PPARGC1A: variants seen among roughly 807,000 people sequenced by gnomAD.
The protein encoded by PPARGC1A is peroxisome proliferator-activated receptor gamma coactivator 1-alpha.
In PPARGC1A, 25 loss-of-function variants were observed where a neutral mutation model predicts 88.7. The observed-to-expected ratio is 0.28, with a 90% CI of 0.21 to 0.39. The LOEUF is 0.39. Among genes scored for constraint, PPARGC1A ranks in the 10% least tolerant of loss-of-function variants. The pLI, the probability that PPARGC1A is intolerant of heterozygous loss-of-function variation, is 1.00. For missense variants in PPARGC1A, 880 were observed against 968.7 expected (o/e 0.91, Z 1.22); for synonymous variants, 363 against 355.6 (o/e 1.02, Z -0.24).
At chr4:24,236,135 C>G in the PPARGC1A span, among the ~76,000 whole-genome samples, 1 of 152,172 alleles carries the variant, frequency 6.6e-6, no homozygotes, top group Admixed American at 6.5e-5. Context: ...ACTTGTCAGC[C>G]AACAGTTTTG....
chr4:24,028,594 A>G, the PPARGC1A span, among the ~76,000 whole-genome samples: 800 of 152,320 alleles, frequency 5.3e-3, 34 homozygotes, highest in East Asian at 0.084. Context: ...AGAGGTTAAC[A>G]GGGAAGGTTC....
At chr4:23,995,955 GA>G in the PPARGC1A span, among the ~76,000 whole-genome samples, 1 of 152,122 alleles carries the variant, frequency 6.6e-6, no homozygotes, top group Non-Finnish European at 1.5e-5. Context: ...CCTTCCAAAG[GA>G]CACCTGACAG....
chr4:24,115,597 G>T, the PPARGC1A span, among the ~76,000 whole-genome samples: 1 of 152,200 alleles, frequency 6.6e-6, no homozygotes. Context: ...CATTAAAATC[G>T]AATGCAAGAT....
intron 12 of PPARGC1A, among the ~76,000 whole-genome samples, chr4:23,800,130 GA>G (rs1194661033): frequency 6.6e-6 from 1 of 151,744 alleles, no homozygotes; most frequent in African/African-American, 2.4e-5. Context: ...TTGGACAGAA[GA>G]AAAAAAATCC....
the PPARGC1A span, among the ~76,000 whole-genome samples, chr4:24,154,788 C>T: frequency 6.6e-6 from 1 of 152,232 alleles, no homozygotes; most frequent in Non-Finnish European, 1.5e-5. Context: ...AAACACAAAG[C>T]GAGACGCAGA....
the PPARGC1A span, among the ~76,000 whole-genome samples, chr4:24,284,394 C>T: frequency 6.6e-6 from 1 of 152,222 alleles, no homozygotes; most frequent in African/African-American, 2.4e-5. Flanking sequence ...GGGATTTGAA[C>T]TAGGCAGTCT....
At chr4:24,041,535 C>A in the PPARGC1A span, among the ~76,000 whole-genome samples, 1 of 152,122 alleles carries the variant, frequency 6.6e-6, no homozygotes, top group Admixed American at 6.5e-5. Context: ...AACTCTAACC[C>A]CATTTGTATG....
the PPARGC1A span, among the ~76,000 whole-genome samples, chr4:23,979,075 T>C: frequency 6.6e-6 from 1 of 152,180 alleles, no homozygotes; most frequent in African/African-American, 2.4e-5. Context: ...TAGCTCACAT[T>C]GCATTCAAAG....
chr4:24,361,716 A>G, the PPARGC1A span, among the ~76,000 whole-genome samples: 1 of 152,252 alleles, frequency 6.6e-6, no homozygotes, highest in Non-Finnish European at 1.5e-5. Context: ...AGAGAAATTT[A>G]TATTCAGGAC....
chr4:24,113,472 T>G, the PPARGC1A span, among the ~76,000 whole-genome samples: 2 of 152,212 alleles, frequency 1.3e-5, no homozygotes, highest in Non-Finnish European at 2.9e-5. Context: ...ATTCATTGCC[T>G]GAGAGCCATA....
the PPARGC1A span, among the ~76,000 whole-genome samples, chr4:24,471,102 G>C: frequency 6.6e-6 from 1 of 151,454 alleles, no homozygotes; most frequent in East Asian, 2.0e-4. The surrounding 1 kb of genome is among the most constrained non-coding windows in gnomAD (Gnocchi z 5.4). Flanking sequence ...GAGGAGAGGC[G>C]CCGCGGAGGC....
the PPARGC1A span, among the ~76,000 whole-genome samples, chr4:24,402,394 C>T: frequency 6.6e-6 from 1 of 152,162 alleles, no homozygotes; most frequent in Non-Finnish European, 1.5e-5. Context: ...CAACAACAGC[C>T]GCCATTTAAC....
the PPARGC1A span, among the ~76,000 whole-genome samples, chr4:24,320,987 C>G: frequency 6.6e-6 from 1 of 152,182 alleles, no homozygotes; most frequent in East Asian, 1.9e-4. Flanking sequence ...TATCCAGGTC[C>G]CCGTTTTCTC....
chr4:24,274,551 A>C, the PPARGC1A span, among the ~76,000 whole-genome samples: 3 of 152,230 alleles, frequency 2.0e-5, no homozygotes, highest in Non-Finnish European at 2.9e-5. Context: ...ATCTACACTG[A>C]AATTGAATTC....
chr4:23,824,500 T>C lies in PPARGC1A; in HGVS notation c.766A>G (p.Thr256Ala), dbSNP rs1466813726. 5 of 1,603,472 alleles carry C rather than the reference T, an allele frequency of 3.1e-6. No individual in the cohort carries two copies. The highest frequency in any genetic ancestry group is 4.3e-6 in the Non-Finnish European group (5 of 1,173,586). The change falls in exon 6 of 13, where the codon ACA becomes GCA. Residue 256 changes from threonine (T) to alanine (A), a missense_variant. Coordinates refer to ENST00000264867, the MANE Select transcript of PPARGC1A (RefSeq NM_013261.5). ...GGGGTCAGAGGAAGAGATAAAGTTG[T>C]TGGTTTGGCTAAAGAAAAAAAAAAG... is the stretch of plus-strand genomic sequence containing the variant. The part of the protein sequence containing the change: ...SQSQHLQAKP[T>A]TLSLPLTPES...
At chr4:24,315,753 C>T in the PPARGC1A span, among the ~76,000 whole-genome samples, 1 of 152,082 alleles carries the variant, frequency 6.6e-6, no homozygotes, top group Non-Finnish European at 1.5e-5. Flanking sequence ...CACAGGACAC[C>T]CTCCCACAAC....
At chr4:23,942,918 A>G in the PPARGC1A span, among the ~76,000 whole-genome samples, 1 of 152,216 alleles carries the variant, frequency 6.6e-6, no homozygotes, top group Non-Finnish European at 1.5e-5. Context: ...TTCTCAGCAC[A>G]AAAAGTCATG....
At chr4:24,185,449 C>T in the PPARGC1A span, among the ~76,000 whole-genome samples, 12 of 152,230 alleles carry the variant, frequency 7.9e-5, no homozygotes, top group East Asian at 2.1e-3. Context: ...CCTAGAAATG[C>T]TCATCTATAA....
the PPARGC1A span, among the ~76,000 whole-genome samples, chr4:24,089,817 C>A: frequency 6.6e-6 from 1 of 152,108 alleles, no homozygotes; most frequent in African/African-American, 2.4e-5. Context: ...GCCTAGGACG[C>A]CTTTTTTCTA....
Sources: gnomAD v4.1 joint callset for allele counts (sites outside exome capture counted in the v4.1 genomes callset) on GRCh38, gnomAD v4.1.1 for gene constraint, Gnocchi (gnomAD v3.1) non-coding constraint, MANE v1.5 for transcripts, NCBI Gene and HGNC (gene_info 2026-07-23, HGNC 2026-07-21) for gene names.